Variants in DAB1 observed in about 807,000 individuals in gnomAD.
The protein encoded by DAB1 is disabled homolog 1.
DAB1 carries 15 observed loss-of-function variants against 64.6 expected under a neutral mutation model. That is an observed-to-expected ratio of 0.23 (90% CI 0.16 to 0.36). The LOEUF (loss-of-function observed/expected upper bound fraction) is 0.36, where lower values mean the gene tolerates loss of function less well. DAB1 is among the 10% of genes least tolerant of loss of function. The pLI is 1.00. For missense variants in DAB1, 596 were observed against 706.7 expected, an observed-to-expected ratio of 0.84 and a Z score of 1.78; for synonymous variants, 235 against 251.9, an observed-to-expected ratio of 0.93 and a Z score of 0.64.
chr1:58,501,799 G>C (rs1645910755), intron 3 of DAB1, among the ~76,000 whole-genome samples: 1 of 152,116 alleles, frequency 6.6e-6, no homozygotes, highest in Non-Finnish European at 1.5e-5. Context: ...CAGTGTAACT[G>C]TATTTGGAAA....
At chr1:57,932,844 G>A (rs531253736) in intron 5 of DAB1, among the ~76,000 whole-genome samples, 1 of 152,030 alleles carries the variant, frequency 6.6e-6, no homozygotes, top group Non-Finnish European at 1.5e-5. Context: ...TGTAAAATGG[G>A]TTTCTTGTAG....
chr1:58,500,966 G>A (rs1221170879), intron 3 of DAB1, among the ~76,000 whole-genome samples: 1 of 152,144 alleles, frequency 6.6e-6, no homozygotes, highest in Non-Finnish European at 1.5e-5. Context: ...AGTCTGAACA[G>A]TGTAACTATA....
At chr1:57,701,289 G>T (rs998261826) in intron 6 of DAB1, among the ~76,000 whole-genome samples, 4 of 152,062 alleles carry the variant, frequency 2.6e-5, no homozygotes, top group Non-Finnish European at 5.9e-5. Context: ...CAATAGCAAA[G>T]ACTTGGAACC....
chr1:58,480,974 C>T (rs113437949), intron 3 of DAB1: 17 of 862,226 alleles, frequency 2.0e-5, no homozygotes, highest in African/African-American at 9.9e-5. Context: ...TTCAACTGCC[C>T]GTTCTTTTCT....
At chr1:57,882,686 C>T (rs1288601472) in intron 1 of DAB1, among the ~76,000 whole-genome samples, 1 of 152,154 alleles carries the variant, frequency 6.6e-6, no homozygotes, top group South Asian at 2.1e-4. Context: ...GATTCTACCT[C>T]CCTTCACCCC....
chr1:57,285,234 T>C (rs1672219439), intron 2 of DAB1, among the ~76,000 whole-genome samples: 1 of 152,120 alleles, frequency 6.6e-6, no homozygotes, highest in Admixed American at 6.6e-5. Context: ...CCAAGCTAGC[T>C]CTTTACTCAC....
chr1:58,344,863 T>C (rs964488850), intron 3 of DAB1, among the ~76,000 whole-genome samples: 6 of 108,144 alleles, frequency 5.5e-5, no homozygotes, highest in Admixed American at 2.0e-4. Context: ...AGATAGGCTC[T>C]TATTGAATAC....
chr1:57,636,782 G>A (rs1224323869), intron 7 of DAB1, among the ~76,000 whole-genome samples: 1 of 152,170 alleles, frequency 6.6e-6, no homozygotes, highest in African/African-American at 2.4e-5. Context: ...ATAATCGAGA[G>A]TTTAGTTCTG....
intron 5 of DAB1, among the ~76,000 whole-genome samples, chr1:58,126,695 G>T (rs1159941222): frequency 6.6e-6 from 1 of 150,622 alleles, no homozygotes; most frequent in African/African-American, 2.5e-5. Flanking sequence ...ACCTAGGAGT[G>T]AGAATATGCG....
rs1471685252 is a variant in DAB1, at chr1:58,274,061, G to A, written n.309+69291C>T. Among the ~76,000 whole-genome samples, 8 of 132,538 alleles carry A rather than the reference G, an allele frequency of 6.0e-5. No individual in the cohort carries two copies. The South Asian group carries it at 9.7e-4, about 16-fold the overall frequency. The allele number at this position is 132,538 out of a possible 152,430, so 87.0% of individuals were successfully genotyped here. A position where few individuals can be genotyped will look rare whatever the true frequency, so the allele number is the denominator to read the frequency against. ...TGTTCCGTTGCTGGTGAGGAACTGT[G>A]TTCCTTTGGAGGAGGAGAGGTGCTC... On this transcript the variant is annotated intron_variant and non_coding_transcript_variant, in intron 4 of 20. Coordinates refer to the DAB1 transcript ENST00000485760.
chr1:58,306,070 G>A (rs1049206811), intron 4 of DAB1, among the ~76,000 whole-genome samples: 8 of 151,874 alleles, frequency 5.3e-5, no homozygotes, highest in African/African-American at 1.7e-4. Flanking sequence ...GTCAGGGTTC[G>A]CCTGTGTGGG....
At chr1:57,486,844 TA>T (rs1558426360) in intron 7 of DAB1, among the ~76,000 whole-genome samples, 7 of 150,788 alleles carry the variant, frequency 4.6e-5, no homozygotes, top group Non-Finnish European at 1.5e-5. Flanking sequence ...AACAAAAATA[TA>T]AGGCAGGCCA....
intron 5 of DAB1, among the ~76,000 whole-genome samples, chr1:58,127,425 T>C (rs1397334225): frequency 1.3e-5 from 2 of 151,030 alleles, no homozygotes; most frequent in South Asian, 2.1e-4. Context: ...TTCACTCTGA[T>C]GGTAGTTTCT....
At chr1:57,287,490 TAGAG>T (rs1013520751) in intron 2 of DAB1, among the ~76,000 whole-genome samples, 1 of 152,168 alleles carries the variant, frequency 6.6e-6, no homozygotes, top group Non-Finnish European at 1.5e-5. Flanking sequence ...TCCAGCCAAT[TAGAG>T]AGAAAAAGAA....
At chr1:58,518,649 C>T (rs573837431) in intron 2 of DAB1, among the ~76,000 whole-genome samples, 2 of 150,122 alleles carry the variant, frequency 1.3e-5, no homozygotes, top group South Asian at 2.1e-4. Flanking sequence ...CCCTGGAGGA[C>T]TCCAGGGTTT....
Position 58,315,238 on chromosome 1 carries a change from T to A in DAB1, n.309+28114A>T, listed in dbSNP as rs79492756. 3.9e-3 allele frequency among the ~76,000 whole-genome samples: 601 copies of A among 152,296 alleles called. 3 individuals carry two copies. The highest frequency in any genetic ancestry group is 0.014 in the African/African-American group (566 of 41,562). On this transcript the variant is annotated intron_variant and non_coding_transcript_variant, in intron 4 of 20. Coordinates refer to the DAB1 transcript ENST00000485760. ...TGAATTCACAGAGATGAGCTGACAA[T>A]GGTATGAAGCACATACTGGCAGTAG...
intron 5 of DAB1, among the ~76,000 whole-genome samples, chr1:58,030,311 G>T (rs1187401403): frequency 6.6e-6 from 1 of 152,132 alleles, no homozygotes; most frequent in African/African-American, 2.4e-5. Flanking sequence ...TATTAACAAT[G>T]ATTGATTTCT....
chr1:56,996,026 GT>G lies in DAB1; in HGVS notation c.*2117del, dbSNP rs1645601460. 1 of 152,120 alleles carries G rather than the reference GT, an allele frequency of 6.6e-6. No homozygotes were observed. Among genetic ancestry groups the G allele is most frequent in the East Asian group, 1.9e-4 (1 of 5,180 alleles). The allele number at this position is 152,120 out of a possible 1,614,324, so 9.4% of individuals were successfully genotyped here. A position where few individuals can be genotyped will look rare whatever the true frequency, so the allele number is the denominator to read the frequency against. On this transcript the variant is annotated 3_prime_UTR_variant, in exon 15 of 15. Coordinates refer to ENST00000371236, the MANE Select transcript of DAB1 (RefSeq NM_001365792.1). ...TATTGACATATATTCTTGAATAGAC[GT>G]TTGGTCAGTTTATCTAACTGAAAAA...
chr1:57,354,149 C>T (rs1397202063), intron 1 of DAB1, among the ~76,000 whole-genome samples: 3 of 152,056 alleles, frequency 2.0e-5, no homozygotes, highest in African/African-American at 7.2e-5. Context: ...TTCTATCAAT[C>T]TTTCATTGGA....
Sources: gnomAD v4.1 joint callset for allele counts (sites outside exome capture counted in the v4.1 genomes callset) on GRCh38, gnomAD v4.1.1 for gene constraint, MANE v1.5 for transcripts, NCBI Gene and HGNC (gene_info 2026-07-23, HGNC 2026-07-21) for gene names.